DBN1: variants seen among roughly 807,000 people sequenced by gnomAD.
The protein encoded by DBN1 is drebrin 1, also known as drebrin.
DBN1 carries 21 observed loss-of-function variants against 83.5 expected under a neutral mutation model. The observed-to-expected ratio is 0.25, with a 90% CI of 0.18 to 0.36. DBN1 has a LOEUF of 0.36. Ranked by LOEUF, DBN1 falls within the 10% of genes least tolerant of loss-of-function variation. The pLI is 1.00. For synonymous variants in DBN1, 381 were observed against 384.9 expected (o/e 0.99, Z 0.12); for missense variants, 874 against 935.7 (o/e 0.93, Z 0.86).
At position 177,459,238 on chromosome 5, in the gene DBN1, G is replaced by A. The variant is rs767872072; in HGVS notation, c.1124C>T (p.Ala375Val). The change falls in exon 12 of 15, where the codon GCG (alanine) becomes GTG (valine). Residue 375 changes from alanine to valine, a missense_variant. Physicochemically the swap from Ala to Val is moderately conservative, Grantham distance 64. Transcript: ENST00000393565. ...GCTCCGCGTGGGGATGGGAGTGGGC[G>A]CCATCCTCCGGTGGCTGTCCAGGTG... ...CSHLDSHRRM[A>V]PTPIPTRSPS... 8.7e-6 allele frequency: 14 copies of A among 1,609,876 alleles called. No homozygotes were observed. The highest frequency in any genetic ancestry group is 8.5e-6 in the Non-Finnish European group (10 of 1,179,186).
At chr5:177,457,587 G>A in intron 14 of DBN1, 68 bp downstream of exon 14, 1 of 1,520,838 alleles carries the variant, frequency 6.6e-7, no homozygotes, top group Admixed American at 1.7e-5. Context: ...GTAGTGGTGG[G>A]GTGGCTACCC....
At chr5:177,469,039 G>A in intron 1 of DBN1, 140 bp from the exon 2 acceptor site, 2 of 491,634 alleles carry the variant, frequency 4.1e-6, no homozygotes. Flanking sequence ...CATGACAACA[G>A]GGCCAGGCAT....
At chr5:177,464,304 G>C (rs1757254006) in intron 8 of DBN1, among the ~76,000 whole-genome samples, 1 of 148,588 alleles carries the variant, frequency 6.7e-6, no homozygotes, top group Non-Finnish European at 1.5e-5. Context: ...AAATTAGCTG[G>C]GCATGGTGGT....
At chr5:177,468,791 C>A in intron 2 of DBN1, 53 bp downstream of exon 2, 1 of 1,259,612 alleles carries the variant, frequency 7.9e-7, no homozygotes, top group Non-Finnish European at 1.0e-6. Flanking sequence ...GGGAAGAAAA[C>A]AACCAGGAGG....
In DBN1 at chr5:177,457,266, A is replaced by C. The variant is rs1489755638; in HGVS notation, c.*167T>G. The C allele has an allele frequency of 1.5e-6, 1 of 651,314 alleles. No individual in the cohort carries two copies. Among genetic ancestry groups the C allele is most frequent in the Non-Finnish European group, 2.8e-6 (1 of 363,280 alleles). The allele number at this position is 651,314 out of a possible 1,614,324, so 40.3% of individuals were successfully genotyped here. A position where few individuals can be genotyped will look rare whatever the true frequency, so the allele number is the denominator to read the frequency against. Reference sequence around the variant, plus strand: ...TTTTTAAAAAAAGAGAAAAGCTGTAAAAGTCAGGCCCTGTGGGTAGGGAAG... The same window carrying C: ...TTTTTAAAAAAAGAGAAAAGCTGTACAAGTCAGGCCCTGTGGGTAGGGAAG... On this transcript the variant is annotated 3_prime_UTR_variant, in exon 15 of 15. Transcript: ENST00000393565.
chr5:177,467,904 G>A lies in DBN1; in HGVS notation c.256-87C>T. On this transcript the variant is annotated intron_variant, in intron 3 of 14. Coordinates refer to ENST00000393565, the MANE Select transcript of DBN1 (RefSeq NM_001363541.2). The surrounding 1 kb of genome is among the most constrained non-coding windows in gnomAD (Gnocchi z 9.1). ...TGCATCTTCCCCGGGGTGGGAAGAG[G>A]GTGGGCTTCCCTCTCCACGGGTGTC... is the stretch of plus-strand genomic sequence containing the variant. 6.6e-7 allele frequency: 1 copy of A among 1,515,620 alleles called. No homozygotes were observed. Among genetic ancestry groups the A allele is most frequent in the Non-Finnish European group, 9.1e-7 (1 of 1,098,062 alleles). The allele number at this position is 1,515,620 out of a possible 1,614,324, so 93.9% of individuals were successfully genotyped here. A position where few individuals can be genotyped will look rare whatever the true frequency, so the allele number is the denominator to read the frequency against.
intron 2 of DBN1, 21 bp downstream of exon 2, chr5:177,468,823 G>C: frequency 5.3e-6 from 7 of 1,321,456 alleles, no homozygotes; most frequent in Non-Finnish European, 6.8e-6. Context: ...AAGGCGGCGA[G>C]GGAATGGCTG....
chr5:177,457,981 C>T (rs1756674296), intron 13 of DBN1, 77 bp downstream of exon 13: 2 of 1,581,876 alleles, frequency 1.3e-6, no homozygotes, highest in Non-Finnish European at 1.7e-6. Flanking sequence ...CTGGTGCAAG[C>T]ATGAGGAATG....
Position 177,458,155 on chromosome 5 carries a change from G to C in DBN1, c.1817C>G (p.Pro606Arg), listed in dbSNP as rs1328499324. Residue 606 changes from proline to arginine, a missense_variant, in exon 13 of 15, where the codon CCA becomes CGA. By Grantham distance (103) the Pro-to-Arg change is moderately radical. Transcript: ENST00000393565. ...CTCCTCAAGGGCTGAGGGCAGAGTTGGGGTCTGGGGGGCAGCCAGGGACTC... is the reference window on the plus strand; with the variant it reads ...CTCCTCAAGGGCTGAGGGCAGAGTTCGGGTCTGGGGGGCAGCCAGGGACTC... ...EGESLAAPQT[P>R]TLPSALEELE... 1 of 1,613,062 alleles carries C rather than the reference G, an allele frequency of 6.2e-7. No individual in the cohort carries two copies. The highest frequency in any genetic ancestry group is 8.5e-7 in the Non-Finnish European group (1 of 1,179,732).
intron 8 of DBN1, 71 bp from the exon 9 acceptor site, chr5:177,460,774 AT>A: frequency 6.8e-7 from 1 of 1,467,100 alleles, no homozygotes; most frequent in Non-Finnish European, 9.3e-7. Context: ...TTTTTACTGT[AT>A]TTTATTTATT....
intron 1 of DBN1, chr5:177,472,129 C>G (rs567849983): frequency 3.0e-5 from 48 of 1,610,918 alleles, no homozygotes; most frequent in Middle Eastern, 1.6e-4. Flanking sequence ...CTGCAGGACA[C>G]GAGAGCTTGT....
chr5:177,468,565 A>G, intron 2 of DBN1: 1 of 447,566 alleles, frequency 2.2e-6, no homozygotes, highest in Non-Finnish European at 4.0e-6. Flanking sequence ...GGCGGTGAAT[A>G]GGGCCCTTCC....
Position 177,460,403 on chromosome 5 carries a change from G to A in DBN1, c.955+29C>T, listed in dbSNP as rs767378569. ...TCAGGGCCGCAACCTGAGGAGTGGG[G>A]CCGGACGGGGGGTGGGGCCTAGGAC... On this transcript the variant is annotated intron_variant, in intron 10 of 14. Transcript: ENST00000393565. 9 of 1,612,410 alleles carry A rather than the reference G, an allele frequency of 5.6e-6. No homozygotes were observed. In the East Asian group the frequency reaches 1.1e-4, roughly 20 times the overall value.
At position 177,460,697 on chromosome 5, in the gene DBN1, G is replaced by A. The variant is rs934772071; in HGVS notation, c.778C>T (p.His260Tyr). Residue 260 changes from histidine to tyrosine, a missense_variant, in exon 9 of 15, where the codon CAT (histidine) becomes TAT (tyrosine). This residue lies in a region of DBN1 where 725 missense variants were observed against 719.7 expected (regional missense o/e 1.01). Transcript: ENST00000393565. ...TGGGTCTCTTCCTCCTCATCCCGAT[G>A]GTCACCCTAGAAACCAAAGGGACAG... ...RLKEQSIFGDHRDEEEETHMK... is the reference protein window; with the variant it reads ...RLKEQSIFGDYRDEEEETHMK... 3.7e-6 allele frequency: 6 copies of A among 1,613,788 alleles called. No individual in the cohort carries two copies. Among genetic ancestry groups the A allele is most frequent in the Admixed American group, 1.7e-5 (1 of 60,004 alleles).
In DBN1 at chr5:177,459,135, C is replaced by A. The variant is rs1756806193; in HGVS notation, c.1227G>T (p.Gln409His). The part of the protein sequence containing the change: ...ERALDEVTSS[Q>H]PPPLPPPPPP... ...GGGGTGGCGGTGGCAGTGGTGGAGG[C>A]TGCGAGGAGGTGACCTCATCCAGGG... The change falls in exon 12 of 15, where the codon CAG becomes CAT. Residue 409 changes from glutamine to histidine, a missense_variant. Gln to His is a conservative substitution (Grantham distance 24, BLOSUM62 0). Around this residue, in one of 4 missense-constraint regions of DBN1, gnomAD observed 725 missense variants for 719.7 expected, o/e 1.01. Coordinates refer to ENST00000393565, the MANE Select transcript of DBN1 (RefSeq NM_001363541.2). The A allele has an allele frequency of 6.2e-7, 1 of 1,610,142 alleles. No homozygotes were observed. The highest frequency in any genetic ancestry group is 1.3e-5 in the African/African-American group (1 of 74,564).
At chr5:177,457,976 G>C in intron 13 of DBN1, 82 bp downstream of exon 13, 1 of 1,569,676 alleles carries the variant, frequency 6.4e-7, no homozygotes, top group Non-Finnish European at 8.8e-7. Context: ...GGGTACTGGT[G>C]CAAGCATGAG....
intron 1 of DBN1, among the ~76,000 whole-genome samples, chr5:177,471,165 G>A (rs1203353435): frequency 6.6e-6 from 1 of 152,036 alleles, no homozygotes; most frequent in Non-Finnish European, 1.5e-5. Flanking sequence ...GTGAGCTGGG[G>A]TGGAGGGTGA....
chr5:177,460,410 G>T (rs376708749), intron 10 of DBN1, 22 bp downstream of exon 10: 9 of 1,612,492 alleles, frequency 5.6e-6, no homozygotes, highest in Admixed American at 1.7e-5. Flanking sequence ...GGGGCCGGAC[G>T]GGGGGTGGGG....
chr5:177,467,060 C>A lies in DBN1; in HGVS notation c.558G>T (p.Lys186Asn), dbSNP rs756654959. ...NREQFWEQAK[K>N]EEELRKEEER... is the part of the protein sequence containing the mutation. ...CCTCCTCCTTCCGCAGCTCTTCTTC[C>A]TTCTGCAAGCCCCGGTGCGAACAAG... The change falls in exon 7 of 15, where the codon AAG becomes AAT. Residue 186 changes from lysine to asparagine, a missense_variant and splice_region_variant. Around this residue, in one of 4 missense-constraint regions of DBN1, gnomAD observed 725 missense variants for 719.7 expected, o/e 1.01. Transcript: ENST00000393565. The surrounding 1 kb of genome is among the most constrained non-coding windows in gnomAD (Gnocchi z 9.1). 6.2e-7 allele frequency: 1 copy of A among 1,613,836 alleles called. No individual in the cohort carries two copies. The highest frequency in any genetic ancestry group is 2.2e-5 in the East Asian group (1 of 44,872).
Sources: allele counts gnomAD v4.1 joint callset (sites outside exome capture counted in the v4.1 genomes callset), GRCh38; gene constraint gnomAD v4.1.1; regional missense constraint gnomAD v4.1.1; non-coding constraint Gnocchi (gnomAD v3.1); transcripts MANE v1.5; gene names NCBI Gene and HGNC (gene_info 2026-07-23, HGNC 2026-07-21).